SLC27A2: variants seen among roughly 807,000 people sequenced by gnomAD.
SLC27A2 encodes solute carrier family 27 member 2, also known as long-chain fatty acid transport protein 2.
In SLC27A2, 54 loss-of-function variants were observed where a neutral mutation model predicts 60.0. The observed-to-expected ratio is 0.90, with a 90% CI of 0.72 to 1.13. The LOEUF is 1.13. Ranked by LOEUF, SLC27A2 falls within the 50% of genes most tolerant of loss-of-function variation. The pLI, the probability that SLC27A2 is intolerant of heterozygous loss-of-function variation, is 0.00. For synonymous variants in SLC27A2, 297 were observed against 297.6 expected, an observed-to-expected ratio of 1.00 and a Z score of 0.02; for missense variants, 739 against 777.6, an observed-to-expected ratio of 0.95 and a Z score of 0.59.
Position 50,182,380 on chromosome 15 carries a change from C to G in SLC27A2, c.-48C>G, listed in dbSNP as rs776578239. ...CCGCCCAGTCGCCGCGCTGCACGCC[C>G]GGGGTGAACCCTCTGCCCTCGCTGG... On this transcript the variant is annotated 5_prime_UTR_variant, in exon 1 of 10. Transcript: ENST00000267842. 1.5e-5 allele frequency: 22 copies of G among 1,481,482 alleles called. No homozygotes were observed. The highest frequency in any genetic ancestry group is 1.8e-5 in the Non-Finnish European group (20 of 1,117,998). 91.8% of individuals were successfully genotyped at this position (1,481,482 alleles called of 1,614,324 possible).
intron 1 of SLC27A2, among the ~76,000 whole-genome samples, chr15:50,187,508 C>A (rs541046258): frequency 9.8e-5 from 15 of 152,296 alleles, no homozygotes; most frequent in Admixed American, 2.0e-4. Context: ...AATAAACTAG[C>A]TCTTCCACTG....
At chr15:50,196,297 G>A (rs1382177813) in intron 1 of SLC27A2, among the ~76,000 whole-genome samples, 1 of 150,768 alleles carries the variant, frequency 6.6e-6, no homozygotes, top group African/African-American at 2.4e-5. Flanking sequence ...ACTTTTGTGC[G>A]TGACCCAGTA....
intron 8 of SLC27A2, among the ~76,000 whole-genome samples, chr15:50,229,334 G>A (rs993811760): frequency 2.6e-5 from 4 of 152,218 alleles, no homozygotes; most frequent in South Asian, 2.1e-4. Flanking sequence ...GAGAAAAGTC[G>A]TGTCATGCTT....
At chr15:50,206,756 G>GAC (rs1359645947) in intron 4 of SLC27A2, among the ~76,000 whole-genome samples, 2 of 152,174 alleles carry the variant, frequency 1.3e-5, no homozygotes, top group East Asian at 1.9e-4. Context: ...ATCTGTAAAT[G>GAC]ACACATCATA....
At chr15:50,231,644 G>A (rs1440686767) in intron 8 of SLC27A2, among the ~76,000 whole-genome samples, 2 of 152,132 alleles carry the variant, frequency 1.3e-5, no homozygotes, top group African/African-American at 4.8e-5. Context: ...CTGGAGTATG[G>A]GACTCAGAAT....
At position 50,182,265 on chromosome 15, in the gene SLC27A2, A is replaced by G. The variant is rs944296463; in HGVS notation, c.-163A>G. Reference sequence around the variant, plus strand: ...CTCCGGAGCCCGCGGCGGTACCTGCAGCGGAGGAGCTCTGTCTTCCCCTTC... The same window carrying G: ...CTCCGGAGCCCGCGGCGGTACCTGCGGCGGAGGAGCTCTGTCTTCCCCTTC... On this transcript the variant is annotated 5_prime_UTR_variant, in exon 1 of 10. Transcript: ENST00000267842. 343 of 1,131,402 alleles carry G rather than the reference A, an allele frequency of 3.0e-4. 1 individual carries two copies. Among genetic ancestry groups the G allele is most frequent in the Non-Finnish European group, 3.7e-4 (324 of 882,854 alleles). 70.1% of individuals were successfully genotyped at this position (1,131,402 alleles called of 1,614,324 possible). A position where few individuals can be genotyped will look rare whatever the true frequency, so the allele number is the denominator to read the frequency against.
At chr15:50,214,340 A>C (rs777904038) in intron 4 of SLC27A2, among the ~76,000 whole-genome samples, 4 of 151,944 alleles carry the variant, frequency 2.6e-5, no homozygotes, top group African/African-American at 4.8e-5. Context: ...AATTACCGAC[A>C]AAAAAAAGTC....
At chr15:50,185,690 C>T (rs1247482950) in intron 1 of SLC27A2, among the ~76,000 whole-genome samples, 4 of 130,864 alleles carry the variant, frequency 3.1e-5, no homozygotes, top group Non-Finnish European at 4.6e-5. Flanking sequence ...GCTGCTGTGG[C>T]GTGATCTCGG....
intron 1 of SLC27A2, among the ~76,000 whole-genome samples, chr15:50,187,509 T>C (rs1432160845): frequency 1.3e-5 from 2 of 152,174 alleles, no homozygotes; most frequent in Non-Finnish European, 2.9e-5. Flanking sequence ...ATAAACTAGC[T>C]CTTCCACTGG....
Position 50,223,125 on chromosome 15 carries a change from T to C in SLC27A2, c.1133T>C (p.Val378Ala). The C allele has an allele frequency of 6.2e-7, 1 of 1,613,778 alleles. No individual in the cohort carries two copies. The highest frequency in any genetic ancestry group is 8.5e-7 in the Non-Finnish European group (1 of 1,179,858). Reference sequence around the variant, plus strand: ...GGATTTATGAATTATGCGAGAAAAGTTGGTGCTGTTGGAAGAGTAAACTAC... The same window carrying C: ...GGATTTATGAATTATGCGAGAAAAGCTGGTGCTGTTGGAAGAGTAAACTAC... The part of the protein sequence containing the change: ...NIGFMNYARK[V>A]GAVGRVNYLQ... The change falls in exon 5 of 10, where the codon GTT becomes GCT. Residue 378 changes from valine to alanine, a missense_variant. By Grantham distance (64) the Val-to-Ala change is moderately conservative. Transcript: ENST00000267842.
At chr15:50,183,404 T>C (rs1166578104) in intron 1 of SLC27A2, among the ~76,000 whole-genome samples, 2 of 152,144 alleles carry the variant, frequency 1.3e-5, no homozygotes, top group Non-Finnish European at 2.9e-5. Context: ...TGCTCCTCTC[T>C]AATGAGGCAG....
intron 1 of SLC27A2, among the ~76,000 whole-genome samples, 162 bp downstream of exon 1, chr15:50,183,067 T>C (rs1447190120): frequency 6.6e-6 from 1 of 152,196 alleles, no homozygotes; most frequent in Non-Finnish European, 1.5e-5. Flanking sequence ...TAATGATCTT[T>C]TAGGACCACC....
At chr15:50,191,521 G>T (rs1043911499) in intron 1 of SLC27A2, among the ~76,000 whole-genome samples, 1 of 152,130 alleles carries the variant, frequency 6.6e-6, no homozygotes, top group Non-Finnish European at 1.5e-5. Context: ...AGGATTAGAG[G>T]ATCTGCTGAG....
rs186452034 is a variant in SLC27A2, at chr15:50,215,720, C to T, written c.973-7245C>T. ...ACAAAATCATAAAGGGGGCAAAGTA[C>T]ACCCTATTCAACAAATGGTGCTCAG... On this transcript the variant is annotated intron_variant, in intron 4 of 9. Transcript: ENST00000267842. 2.1e-3 allele frequency among the ~76,000 whole-genome samples: 326 copies of T among 152,236 alleles called. 1 individual carries two copies. Among genetic ancestry groups the T allele is most frequent in the Admixed American group, 3.9e-3 (60 of 15,288 alleles).
At chr15:50,214,919 C>G (rs2045183903) in intron 4 of SLC27A2, among the ~76,000 whole-genome samples, 1 of 152,146 alleles carries the variant, frequency 6.6e-6, no homozygotes, top group Admixed American at 6.5e-5. Context: ...CAAGGATGCC[C>G]ATTCTCACCA....
At chr15:50,233,165 C>A (rs78137727) in intron 8 of SLC27A2, among the ~76,000 whole-genome samples, 2,608 of 152,280 alleles carry the variant, frequency 0.017, 31 homozygotes, top group Non-Finnish European at 0.026. Flanking sequence ...CACAAAACAG[C>A]TCCTCCCTGT....
In SLC27A2 at chr15:50,182,636, C is replaced by T. The variant is rs62623668; in HGVS notation, c.209C>T (p.Pro70Leu). 9.4e-4 allele frequency: 1,519 copies of T among 1,614,022 alleles called. 22 individuals carry two copies. In the African/African-American group the frequency reaches 0.018, roughly 19 times the overall value. ...AAAGCGCGCCAGACGCCACACAAGCCTTTTCTGCTCTTCCGCGACGAGACT... is the reference window on the plus strand; with the variant it reads ...AAAGCGCGCCAGACGCCACACAAGCTTTTTCTGCTCTTCCGCGACGAGACT... ...LEKARQTPHKPFLLFRDETLT... is the reference protein window; with the variant it reads ...LEKARQTPHKLFLLFRDETLT... The change falls in exon 1 of 10, where the codon CCT (proline) becomes CTT (leucine). Residue 70 changes from proline (P) to leucine (L), a missense_variant. Transcript: ENST00000267842.
intron 4 of SLC27A2, among the ~76,000 whole-genome samples, chr15:50,207,369 C>T (rs2045121146): frequency 6.6e-6 from 1 of 152,072 alleles, no homozygotes; most frequent in Non-Finnish European, 1.5e-5. Context: ...TCTTGAATGA[C>T]CCCTGGACTT....
chr15:50,197,333 AAATAAT>A (rs750708993), intron 1 of SLC27A2, among the ~76,000 whole-genome samples, 161 bp from the exon 2 acceptor site: 7 of 152,158 alleles, frequency 4.6e-5, no homozygotes, highest in Non-Finnish European at 1.0e-4. Context: ...ATCTCCATTA[AAATAAT>A]AATAATAATA....
Sources: gnomAD v4.1 joint callset for allele counts (sites outside exome capture counted in the v4.1 genomes callset) on GRCh38, gnomAD v4.1.1 for gene constraint, MANE v1.5 for transcripts, NCBI Gene and HGNC (gene_info 2026-07-23, HGNC 2026-07-21) for gene names.